RGS6: variants seen among roughly 807,000 people sequenced by gnomAD.
RGS6 encodes regulator of G protein signaling 6, also known as regulator of G-protein signaling 6.
A neutral mutation model predicts 78.5 loss-of-function variants in RGS6; 30 were observed. That is an observed-to-expected ratio of 0.38 (90% CI 0.29 to 0.52). The LOEUF (loss-of-function observed/expected upper bound fraction) is 0.52. Ranked by LOEUF, RGS6 falls within the 20% of genes least tolerant of loss-of-function variation. The probability of loss-of-function intolerance (pLI) is 0.85; values close to 1 mark genes in which losing one functional copy is unlikely to be tolerated. For synonymous variants in RGS6, 206 were observed against 206.0 expected (o/e 1.00, Z 0.00); for missense variants, 495 against 609.7 (o/e 0.81, Z 1.98).
chr14:72,487,420 T>C (rs145161300), intron 12 of RGS6, among the ~76,000 whole-genome samples: 18 of 152,334 alleles, frequency 1.2e-4, no homozygotes, highest in African/African-American at 4.1e-4. Context: ...CCAGAACCTG[T>C]GAATAGGTTA....
chr14:72,177,758 C>T (rs1397331576), intron 2 of RGS6, among the ~76,000 whole-genome samples: 6 of 152,132 alleles, frequency 3.9e-5, no homozygotes, highest in Non-Finnish European at 8.8e-5. Context: ...CTCATAATTG[C>T]ATCAATAATG....
chr14:71,894,832 A>AT, the RGS6 span, among the ~76,000 whole-genome samples: 125,312 of 151,080 alleles, frequency 0.83, 52,137 homozygotes, highest in African/African-American at 0.85. Flanking sequence ...TCCTTTTTTT[A>AT]TTTTTTTTTG....
the RGS6 span, among the ~76,000 whole-genome samples, chr14:72,604,198 C>A: frequency 6.6e-6 from 1 of 152,100 alleles, no homozygotes; most frequent in Admixed American, 6.5e-5. Flanking sequence ...GAAGAGTTTG[C>A]CCTAGATCTG....
intron 14 of RGS6, among the ~76,000 whole-genome samples, chr14:72,514,717 C>T (rs1435142347): frequency 2.0e-5 from 3 of 152,208 alleles, no homozygotes; most frequent in East Asian, 3.8e-4. Context: ...TTGTGGCCTG[C>T]CAGTCACAAC....
chr14:72,259,084 G>A (rs2057629235), intron 2 of RGS6, among the ~76,000 whole-genome samples: 2 of 152,156 alleles, frequency 1.3e-5, no homozygotes, highest in African/African-American at 2.4e-5. Context: ...ACATTGCATG[G>A]TACAGCCTAT....
At chr14:71,981,216 C>T (rs1370554437) in intron 2 of RGS6, among the ~76,000 whole-genome samples, 2 of 151,280 alleles carry the variant, frequency 1.3e-5, no homozygotes, top group Admixed American at 6.6e-5. Context: ...AATGTCCTCC[C>T]GTAGCTCAGA....
intron 3 of RGS6, among the ~76,000 whole-genome samples, chr14:72,383,029 T>C (rs1017524703): frequency 2.6e-5 from 4 of 151,522 alleles, no homozygotes; most frequent in African/African-American, 9.7e-5. Context: ...TTCTTCTTTT[T>C]ACTGGGTGGT....
intron 2 of RGS6, among the ~76,000 whole-genome samples, chr14:71,986,666 G>A (rs749268301): frequency 2.2e-4 from 33 of 152,232 alleles, no homozygotes; most frequent in Non-Finnish European, 4.1e-4. Flanking sequence ...AGCCATGATC[G>A]TGCCACCGCA....
intron 2 of RGS6, among the ~76,000 whole-genome samples, chr14:72,267,253 T>C (rs1567619859): frequency 6.6e-6 from 1 of 152,192 alleles, no homozygotes; most frequent in African/African-American, 2.4e-5. Context: ...ACCCAGCCAA[T>C]TTTTATATGT....
intron 1 of RGS6, among the ~76,000 whole-genome samples, chr14:71,934,128 T>C (rs2088507518): frequency 2.0e-5 from 3 of 152,202 alleles, no homozygotes; most frequent in Admixed American, 1.3e-4. Context: ...GTGGGACTAC[T>C]CTGTGAAGGA....
chr14:72,621,716 G>A, the RGS6 span, among the ~76,000 whole-genome samples: 9 of 152,208 alleles, frequency 5.9e-5, no homozygotes, highest in Non-Finnish European at 1.3e-4. Flanking sequence ...CCAGGTGCGT[G>A]ATGATGGTGG....
intron 6 of RGS6, among the ~76,000 whole-genome samples, chr14:72,462,112 TTTCA>T (rs1215703342): frequency 2.0e-5 from 3 of 152,130 alleles, no homozygotes; most frequent in Non-Finnish European, 4.4e-5. Flanking sequence ...TACCAGAAAC[TTTCA>T]TTCAATTGAC....
chr14:71,955,027 G>T (rs2092679203), intron 1 of RGS6, among the ~76,000 whole-genome samples: 4 of 152,156 alleles, frequency 2.6e-5, no homozygotes, highest in Non-Finnish European at 5.9e-5. Context: ...AACTGAGGTA[G>T]GTAGGCACTT....
intron 2 of RGS6, among the ~76,000 whole-genome samples, chr14:72,348,373 G>A (rs75522299): frequency 0.012 from 1,837 of 152,118 alleles, 20 homozygotes; most frequent in Middle Eastern, 0.017. Context: ...TTTTATGACC[G>A]GGAAATCAAT....
At chr14:72,123,315 G>A (rs369991882) in intron 2 of RGS6, among the ~76,000 whole-genome samples, 4 of 152,278 alleles carry the variant, frequency 2.6e-5, no homozygotes, top group African/African-American at 7.2e-5. Flanking sequence ...TATCCAACAA[G>A]TTAGGATGCA....
At chr14:72,492,711 C>T (rs1055543664) in intron 12 of RGS6, among the ~76,000 whole-genome samples, 11 of 152,156 alleles carry the variant, frequency 7.2e-5, no homozygotes, top group African/African-American at 2.7e-4. Context: ...CTCAGCCCCT[C>T]CCCGACCCTG....
At chr14:72,277,639 C>T (rs2060903113) in intron 2 of RGS6, among the ~76,000 whole-genome samples, 1 of 151,812 alleles carries the variant, frequency 6.6e-6, no homozygotes, top group Non-Finnish European at 1.5e-5. Context: ...TCTCTACTCT[C>T]CAGGCCAGGT....
chr14:72,208,987 C>T (rs2043364433), intron 2 of RGS6, among the ~76,000 whole-genome samples: 1 of 152,058 alleles, frequency 6.6e-6, no homozygotes, highest in African/African-American at 2.4e-5. Flanking sequence ...TGTGGTGGCA[C>T]ACACCTGTAA....
rs1427430672 is a variant in RGS6, at chr14:72,543,781, C to T, written c.1422+3687C>T. On this transcript the variant is annotated intron_variant, in intron 17 of 17. Coordinates refer to ENST00000553525, the MANE Select transcript of RGS6 (RefSeq NM_001204424.2). ...TTGAGACAGAGTCTCACTCTCCGAG[C>T]CTGGAGTGCAGTGGCACAATCTTGG... Among the ~76,000 whole-genome samples, 5 of 152,342 alleles carry T rather than the reference C, an allele frequency of 3.3e-5. No individual in the cohort carries two copies. In the East Asian group the frequency reaches 7.7e-4, roughly 24 times the overall value.
Sources: allele counts gnomAD v4.1 joint callset (sites outside exome capture counted in the v4.1 genomes callset), GRCh38; gene constraint gnomAD v4.1.1; transcripts MANE v1.5; gene names NCBI Gene and HGNC (gene_info 2026-07-23, HGNC 2026-07-21).